VCAN: variants seen among roughly 807,000 people sequenced by gnomAD.
VCAN encodes versican.
A neutral mutation model predicts 245.5 loss-of-function variants in VCAN; 44 were observed. That is an observed-to-expected ratio of 0.18 (90% CI 0.14 to 0.23). VCAN has a LOEUF of 0.23. Among genes scored for constraint, VCAN ranks in the 10% least tolerant of loss-of-function variants. The pLI is 1.00. For missense variants in VCAN, 3,793 were observed against 4,057.9 expected, an observed-to-expected ratio of 0.93 and a Z score of 1.77; for synonymous variants, 1,413 against 1,437.0, an observed-to-expected ratio of 0.98 and a Z score of 0.38.
intron 7 of VCAN, among the ~76,000 whole-genome samples, chr5:83,525,513 T>A (rs998842538): frequency 2.0e-5 from 3 of 152,114 alleles, no homozygotes; most frequent in African/African-American, 7.2e-5. Context: ...AAAGAATAAT[T>A]TAGAAATGTA....
chr5:83,577,784 C>T (rs1748535600), intron 13 of VCAN, among the ~76,000 whole-genome samples: 1 of 152,132 alleles, frequency 6.6e-6, no homozygotes, highest in Non-Finnish European at 1.5e-5. Flanking sequence ...AATGAAAAGA[C>T]TACACTTTCC....
rs2112334265 is a variant in VCAN at position 83,478,255 on chromosome 5, T to C, written c.-6-5258T>C. Among the ~76,000 whole-genome samples, 3 of 152,270 alleles carry C rather than the reference T, an allele frequency of 2.0e-5. No homozygotes were observed. The East Asian group carries it at 5.8e-4, about 29-fold the overall frequency. ...GCCACTGTGCCTGGCAAAAATAAAA[T>C]TAAAAAGTTTGATGCAAGTTTGTGT... On this transcript the variant is annotated intron_variant, in intron 1 of 14. Transcript: ENST00000265077.
chr5:83,528,528 G>A (rs918766330), intron 7 of VCAN, among the ~76,000 whole-genome samples: 4 of 152,028 alleles, frequency 2.6e-5, no homozygotes, highest in Admixed American at 6.6e-5. Context: ...ATGAAAACCC[G>A]AGATACTCTG....
chr5:83,536,963 C>T (rs1473268029), intron 7 of VCAN, 44 bp from the exon 8 acceptor site: 1 of 1,526,792 alleles, frequency 6.5e-7, no homozygotes, highest in Non-Finnish European at 8.8e-7. Flanking sequence ...TCATACACTG[C>T]CAAATTTTCT....
At chr5:83,567,358 T>C (rs1274088989) in intron 12 of VCAN, among the ~76,000 whole-genome samples, 2 of 152,144 alleles carry the variant, frequency 1.3e-5, no homozygotes, top group Non-Finnish European at 2.9e-5. Flanking sequence ...TGGAGTGCAA[T>C]GGTGCGATCT....
At chr5:83,576,381 T>A (rs953175469) in intron 13 of VCAN, among the ~76,000 whole-genome samples, 1 of 152,196 alleles carries the variant, frequency 6.6e-6, no homozygotes, top group African/African-American at 2.4e-5. Context: ...GATTTATTCA[T>A]GTTGATGCAT....
Position 83,538,705 on chromosome 5 carries a change from A to T in VCAN, c.5702A>T (p.Gln1901Leu). 1 of 1,614,098 alleles carries T rather than the reference A, an allele frequency of 6.2e-7. No homozygotes were observed. Among genetic ancestry groups the T allele is most frequent in the Non-Finnish European group, 8.5e-7 (1 of 1,179,982 alleles). ...MDRVVAENIT[Q>L]TSREIVISER... ...AGAGTAGTTGCTGAAAATATAACCCAAACATCCAGGGAAATAGTGATTTCA... is the reference window on the plus strand; with the variant it reads ...AGAGTAGTTGCTGAAAATATAACCCTAACATCCAGGGAAATAGTGATTTCA... The change falls in exon 8 of 15, where the codon CAA (glutamine) becomes CTA (leucine). Residue 1901 changes from glutamine (Q) to leucine (L), a missense_variant. Physicochemically the swap from Gln to Leu is moderately radical, Grantham distance 113. This residue lies in a region of VCAN where 3,182 missense variants were observed against 3,250.3 expected (regional missense o/e 0.98). Coordinates refer to ENST00000265077, the MANE Select transcript of VCAN (RefSeq NM_004385.5).
At chr5:83,578,859 CA>C (rs1291469001) in intron 13 of VCAN, among the ~76,000 whole-genome samples, 1 of 152,008 alleles carries the variant, frequency 6.6e-6, no homozygotes, top group Non-Finnish European at 1.5e-5. Flanking sequence ...AATCAAAGTT[CA>C]TTTTTTTAAA....
Position 83,537,523 on chromosome 5 carries a change from A to G in VCAN, c.4520A>G (p.His1507Arg), listed in dbSNP as rs776021587. ...GATGTTTTCCCCACAGTCCCATTCC[A>G]TGAGGAATTTGAAAGTGGAACAGCC... The part of the protein sequence containing the change: ...EPDVFPTVPF[H>R]EEFESGTAKK... The change falls in exon 8 of 15, where the codon CAT (histidine) becomes CGT (arginine). Residue 1507 changes from histidine (H) to arginine (R), a missense_variant. Physicochemically the swap from His to Arg is conservative, Grantham distance 29. Coordinates refer to ENST00000265077, the MANE Select transcript of VCAN (RefSeq NM_004385.5). 5.6e-6 allele frequency: 9 copies of G among 1,613,828 alleles called. No individual in the cohort carries two copies. Among genetic ancestry groups the G allele is most frequent in the Middle Eastern group, 1.6e-4 (1 of 6,084 alleles).
intron 1 of VCAN, among the ~76,000 whole-genome samples, chr5:83,475,481 C>T (rs1561221414): frequency 6.6e-6 from 1 of 152,146 alleles, no homozygotes. Context: ...AAAATATTCA[C>T]ATAAAGTCCT....
chr5:83,524,988 A>G (rs1250019967), intron 7 of VCAN, among the ~76,000 whole-genome samples: 2 of 151,598 alleles, frequency 1.3e-5, no homozygotes, highest in African/African-American at 2.4e-5. Context: ...CACCCATGCT[A>G]TTCTAAACCA....
At chr5:83,572,686 C>G (rs929087325) in intron 13 of VCAN, 126 bp downstream of exon 13, 17 of 1,237,382 alleles carry the variant, frequency 1.4e-5, no homozygotes, top group Admixed American at 1.2e-4. Flanking sequence ...TGTCATCTCT[C>G]GTTGCTCTGG....
chr5:83,562,331 A>G (rs1445126318), intron 12 of VCAN: 1 of 152,088 alleles, frequency 6.6e-6, no homozygotes, highest in Non-Finnish European at 1.5e-5. Flanking sequence ...GTTTAATTTG[A>G]TTTGGAATCA....
In VCAN at chr5:83,485,817, T is replaced by A. The variant is rs544261135; in HGVS notation, c.70+2229T>A. On this transcript the variant is annotated intron_variant, in intron 2 of 14. Coordinates refer to ENST00000265077, the MANE Select transcript of VCAN (RefSeq NM_004385.5). ...TCTAACCAATTTAAAAGCTCCTCCTTGGGTGGGTGCAGTGGATCATGCCTG... is the reference window on the plus strand; with the variant it reads ...TCTAACCAATTTAAAAGCTCCTCCTAGGGTGGGTGCAGTGGATCATGCCTG... Among the ~76,000 whole-genome samples the A allele has an allele frequency of 2.6e-5, 4 of 152,110 alleles. No individual in the cohort carries two copies. In the South Asian group the frequency reaches 8.3e-4, roughly 32 times the overall value.
At chr5:83,490,726 AG>A (rs1744956677) in intron 3 of VCAN, among the ~76,000 whole-genome samples, 1 of 152,090 alleles carries the variant, frequency 6.6e-6, no homozygotes, top group African/African-American at 2.4e-5. Flanking sequence ...GAATACCTCA[AG>A]GCATGACACA....
chr5:83,514,689 C>T (rs1436241587), intron 6 of VCAN, among the ~76,000 whole-genome samples: 7 of 152,074 alleles, frequency 4.6e-5, no homozygotes, highest in Non-Finnish European at 8.8e-5. Flanking sequence ...GAACTCCTGA[C>T]CTCAGGTGAT....
At chr5:83,572,036 G>A (rs1748307971) in intron 12 of VCAN, among the ~76,000 whole-genome samples, 1 of 152,026 alleles carries the variant, frequency 6.6e-6, no homozygotes, top group Admixed American at 6.6e-5. Flanking sequence ...CACATAAGAG[G>A]TAGAAGAAAA....
In VCAN at chr5:83,486,826, TA is replaced by T. The variant is rs374973663; in HGVS notation, c.70+3239del. Among the ~76,000 whole-genome samples, 595 of 152,330 alleles carry T rather than the reference TA, an allele frequency of 3.9e-3. 1 individual carries two copies. Among genetic ancestry groups the T allele is most frequent in the Non-Finnish European group, 6.3e-3 (431 of 68,028 alleles). ...GGGGCTAATTTCAGGAGAATTTTTT[TA>T]TATCAGAGGTGAAAGTTACAAATAT... On this transcript the variant is annotated intron_variant, in intron 2 of 14. Transcript: ENST00000265077.
chr5:83,545,751 T>C (rs571806494), intron 9 of VCAN, 101 bp downstream of exon 9: 4 of 955,848 alleles, frequency 4.2e-6, no homozygotes, highest in Middle Eastern at 4.3e-4. Context: ...AAGAAACCCA[T>C]ATGAAGATTA....
Sources: gnomAD v4.1 joint callset for allele counts (sites outside exome capture counted in the v4.1 genomes callset) on GRCh38, gnomAD v4.1.1 for gene constraint, gnomAD v4.1.1 regional missense constraint, MANE v1.5 for transcripts, NCBI Gene and HGNC (gene_info 2026-07-23, HGNC 2026-07-21) for gene names.